The following HOXB5 variants were observed in gnomAD, a reference collection of about 807,000 sequenced individuals.
HOXB5 encodes the protein homeobox protein Hox-B5.
A neutral mutation model predicts 19.6 loss-of-function variants in HOXB5; 10 were observed. That is an observed-to-expected ratio of 0.51 (90% confidence interval 0.32 to 0.87). The LOEUF (loss-of-function observed/expected upper bound fraction) is 0.87, where lower values mean the gene tolerates loss of function less well. Among genes scored for constraint, HOXB5 ranks in the 40% least tolerant of loss-of-function variants. The pLI, the probability that HOXB5 is intolerant of heterozygous loss-of-function variation, is 0.04. For missense variants in HOXB5, 353 were observed against 369.6 expected (o/e 0.96, Z 0.37); for synonymous variants, 167 against 156.9 (o/e 1.06, Z -0.48).
chr17:48,593,772 T>C lies in HOXB5; in HGVS notation c.-90A>G. On this transcript the variant is annotated 5_prime_UTR_variant, in exon 1 of 2. Coordinates refer to ENST00000239151, the MANE Select transcript of HOXB5 (RefSeq NM_002147.4). Reference sequence around the variant, plus strand: ...ATGATGTATTAATGAATTATAGCGATGCACTGTACTTCGTTTTGCTATGTA... The same window carrying C: ...ATGATGTATTAATGAATTATAGCGACGCACTGTACTTCGTTTTGCTATGTA... 2.7e-6 allele frequency: 2 copies of C among 746,348 alleles called. No homozygotes were observed. Among genetic ancestry groups the C allele is most frequent in the Non-Finnish European group, 3.7e-6 (2 of 537,660 alleles). 46.2% of individuals were successfully genotyped at this position (746,348 alleles called of 1,614,324 possible).
chr17:48,593,722 G>T lies in HOXB5; in HGVS notation c.-40C>A. ...AGGGCTTGATTTGTGGATCGTGGTC[G>T]TTATAACCCTGTGCTTCACGATTTA... On this transcript the variant is annotated 5_prime_UTR_variant, in exon 1 of 2. Transcript: ENST00000239151. 6.6e-7 allele frequency: 1 copy of T among 1,517,518 alleles called. No individual in the cohort carries two copies. The highest frequency in any genetic ancestry group is 9.0e-7 in the Non-Finnish European group (1 of 1,110,176). The allele number at this position is 1,517,518 out of a possible 1,614,324, so 94.0% of individuals were successfully genotyped here.
At position 48,593,450 on chromosome 17, in the gene HOXB5, G is replaced by A; in HGVS notation, c.233C>T (p.Ala78Val). 6.2e-7 allele frequency: 1 copy of A among 1,610,944 alleles called. No individual in the cohort carries two copies. The highest frequency in any genetic ancestry group is 1.1e-5 in the South Asian group (1 of 90,932). ...AVGESSRAFP[A>V]PAQEPRFRQA... ...CCTGAAGCGGGGCTCCTGGGCGGGC[G>A]CGGGGAAGGCGCGCGAGCTCTCGCC... Residue 78 changes from alanine to valine, a missense_variant, in exon 1 of 2, where the codon GCG (alanine) becomes GTG (valine). Transcript: ENST00000239151.
intron 1 of HOXB5, among the ~76,000 whole-genome samples, 187 bp from the exon 2 acceptor site, chr17:48,592,643 A>G (rs974903183): frequency 6.6e-5 from 10 of 151,654 alleles, no homozygotes; most frequent in African/African-American, 2.4e-4. Context: ...TGCATCCCCC[A>G]CTTCTGCAGG....
chr17:48,592,131 G>A lies in HOXB5; in HGVS notation c.*78C>T. 6.6e-7 allele frequency: 1 copy of A among 1,508,760 alleles called. No individual in the cohort carries two copies. Among genetic ancestry groups the A allele is most frequent in the Non-Finnish European group, 8.9e-7 (1 of 1,122,544 alleles). 93.5% of individuals were successfully genotyped at this position (1,508,760 alleles called of 1,614,324 possible). A position where few individuals can be genotyped will look rare whatever the true frequency, so the allele number is the denominator to read the frequency against. ...TGGGAACCGGTCCCCAGCGGGCGGC[G>A]GCAGAGCGGGGAGGATTGGAGGGGC... is the stretch of plus-strand genomic sequence containing the variant. On this transcript the variant is annotated 3_prime_UTR_variant, in exon 2 of 2. Transcript: ENST00000239151.
At position 48,593,524 on chromosome 17, in the gene HOXB5, G is replaced by A. The variant is rs1250217845; in HGVS notation, c.159C>T (p.Asp53=). 1 of 1,613,322 alleles carries A rather than the reference G, an allele frequency of 6.2e-7. No homozygotes were observed. Among genetic ancestry groups the A allele is most frequent in the Non-Finnish European group, 8.5e-7 (1 of 1,180,028 alleles). The change falls in exon 1 of 2, where the codon GAC becomes GAT. Residue 53 remains aspartate (D), a synonymous_variant. Transcript: ENST00000239151. The stretch of plus-strand genomic sequence containing the variant: ...AGGCCGAGGAGCGGTTGACGCTGAG[G>A]TCCATCCCATTGTAATTGTAGCCGT... ...GSYGYNYNGM[D]LSVNRSSASS... is the part of the protein sequence containing the mutation.
intron 1 of HOXB5, 35 bp downstream of exon 1, chr17:48,593,086 A>G: frequency 5.3e-5 from 39 of 737,140 alleles, no homozygotes; most frequent in South Asian, 1.0e-4. Context: ...GCAGAGAAGG[A>G]AAGCCGAGAA....
Position 48,592,251 on chromosome 17 carries a change from T to G in HOXB5, c.768A>C (p.Lys256Asn). The G allele has an allele frequency of 6.2e-7, 1 of 1,613,884 alleles. No individual in the cohort carries two copies. The highest frequency in any genetic ancestry group is 8.5e-7 in the Non-Finnish European group (1 of 1,179,982). The stretch of plus-strand genomic sequence containing the variant: ...TGCCAGCTGTAGCCAGGCTCATACT[T>G]TTCAATTTGTTGTCCTTCTTCCACT... ...RMKWKKDNKLKSMSLATAGSA... is the reference protein window; with the variant it reads ...RMKWKKDNKLNSMSLATAGSA... The change falls in exon 2 of 2, where the codon AAA becomes AAC. Residue 256 changes from lysine (K) to asparagine (N), a missense_variant. Coordinates refer to ENST00000239151, the MANE Select transcript of HOXB5 (RefSeq NM_002147.4).
Position 48,592,448 on chromosome 17 carries a change from C to G in HOXB5, c.571G>C (p.Gly191Arg), listed in dbSNP as rs1475688496. The change falls in exon 2 of 2, where the codon GGG becomes CGG. Residue 191 changes from glycine (G) to arginine (R), a missense_variant. By Grantham distance (125) the Gly-to-Arg change is moderately radical (BLOSUM62 -2). Coordinates refer to ENST00000239151, the MANE Select transcript of HOXB5 (RefSeq NM_002147.4). ...RKLHISHDMT[G>R]PDGKRARTAY... ...GTCCGGGCCCTTTTCCCGTCCGGCC[C>G]GGTCATATCTGGAGCAGATAGAGGA... 6 of 1,414,936 alleles carry G rather than the reference C, an allele frequency of 4.2e-6. No individual in the cohort carries two copies. Among genetic ancestry groups the G allele is most frequent in the Non-Finnish European group, 5.7e-6 (6 of 1,057,866 alleles). 87.6% of individuals were successfully genotyped at this position (1,414,936 alleles called of 1,614,324 possible).
In HOXB5 at chr17:48,592,115, G is replaced by C. The variant is rs1357863830; in HGVS notation, c.*94C>G. 2 of 1,439,068 alleles carry C rather than the reference G, an allele frequency of 1.4e-6. No individual in the cohort carries two copies. Among genetic ancestry groups the C allele is most frequent in the Admixed American group, 2.1e-5 (1 of 48,272 alleles). 89.1% of individuals were successfully genotyped at this position (1,439,068 alleles called of 1,614,324 possible). A position where few individuals can be genotyped will look rare whatever the true frequency, so the allele number is the denominator to read the frequency against. ...AGGCGAGGCAGGCTTGTGGGAACCG[G>C]TCCCCAGCGGGCGGCGGCAGAGCGG... On this transcript the variant is annotated 3_prime_UTR_variant, in exon 2 of 2. Transcript: ENST00000239151.
In HOXB5 at chr17:48,593,689, G is replaced by A; in HGVS notation, c.-7C>T. The A allele has an allele frequency of 1.2e-6, 2 of 1,602,392 alleles. No homozygotes were observed. Among genetic ancestry groups the A allele is most frequent in the Non-Finnish European group, 1.7e-6 (2 of 1,172,706 alleles). ...TTACAAAGTACGAGCTCATTTGGGT[G>A]ATTTTGGAGGGCTTGATTTGTGGAT... On this transcript the variant is annotated 5_prime_UTR_variant, in exon 1 of 2. Coordinates refer to ENST00000239151, the MANE Select transcript of HOXB5 (RefSeq NM_002147.4).
intron 1 of HOXB5, 62 bp downstream of exon 1, chr17:48,593,059 C>CCCACCCACCCCAA: frequency 3.1e-6 from 2 of 637,344 alleles, no homozygotes; most frequent in Non-Finnish European, 5.5e-6. Context: ...CTTGTCCCCC[C>CCCACCCACCCCAA]GATCCCACCC....
At position 48,592,050 on chromosome 17, in the gene HOXB5, C is replaced by T; in HGVS notation, c.*159G>A. On this transcript the variant is annotated 3_prime_UTR_variant, in exon 2 of 2. Transcript: ENST00000239151. The stretch of plus-strand genomic sequence containing the variant: ...GATAACCAGTCCAGGAGAGAGGGAG[C>T]CACAGGAAGACCTAAGACCAAACGA... 1.5e-6 allele frequency: 1 copy of T among 663,882 alleles called. No homozygotes were observed. Among genetic ancestry groups the T allele is most frequent in the Non-Finnish European group, 2.5e-6 (1 of 396,256 alleles). The allele number at this position is 663,882 out of a possible 1,614,324, so 41.1% of individuals were successfully genotyped here.
intron 1 of HOXB5, among the ~76,000 whole-genome samples, chr17:48,592,743 G>A (rs1399104632): frequency 6.6e-6 from 1 of 152,186 alleles, no homozygotes; most frequent in African/African-American, 2.4e-5. Context: ...GGAGGGAGGA[G>A]AGCGGTTGCA....
chr17:48,593,224 G>T lies in HOXB5; in HGVS notation c.459C>A (p.Ser153Arg), dbSNP rs774166894. The T allele has an allele frequency of 1.9e-6, 3 of 1,613,676 alleles. No homozygotes were observed. Among genetic ancestry groups the T allele is most frequent in the Non-Finnish European group, 2.5e-6 (3 of 1,179,688 alleles). Residue 153 changes from serine (S) to arginine (R), a missense_variant, in exon 1 of 2, where the codon AGC (serine) becomes AGA (arginine). By Grantham distance (110) the Ser-to-Arg change is moderately radical (BLOSUM62 -1). Coordinates refer to ENST00000239151, the MANE Select transcript of HOXB5 (RefSeq NM_002147.4). ...EEAASQLSSPSLARAQPEPMA... is the reference protein window; with the variant it reads ...EEAASQLSSPRLARAQPEPMA... Reference sequence around the variant, plus strand: ...TGGGCTCTGGCTGCGCCCGAGCTAGGCTGGGGCTGCTTAGCTGGCTTGCCG... The same window carrying T: ...TGGGCTCTGGCTGCGCCCGAGCTAGTCTGGGGCTGCTTAGCTGGCTTGCCG...
rs765935796 is a variant in HOXB5 at position 48,593,473 on chromosome 17, GC to G, written c.209del (p.Gly70AlafsTer64). ...SASSSHFGAV[G>X]ESSRAFPAPA... ...GCGCGGGGAAGGCGCGCGAGCTCTC[GC>G]CCACCGCCCCAAAGTGGCTGGAGGA... On this transcript the variant is annotated frameshift_variant, in exon 1 of 2. Coordinates refer to ENST00000239151, the MANE Select transcript of HOXB5 (RefSeq NM_002147.4). LOFTEE classifies it high-confidence loss of function. 2 of 1,612,538 alleles carry G rather than the reference GC, an allele frequency of 1.2e-6. No individual in the cohort carries two copies. The highest frequency in any genetic ancestry group is 2.2e-5 in the South Asian group (2 of 91,030).
chr17:48,593,699 G>C lies in HOXB5; in HGVS notation c.-17C>G, dbSNP rs998435430. ...CGAGCTCATTTGGGTGATTTTGGAG[G>C]GCTTGATTTGTGGATCGTGGTCGTT... On this transcript the variant is annotated 5_prime_UTR_variant, in exon 1 of 2. Coordinates refer to ENST00000239151, the MANE Select transcript of HOXB5 (RefSeq NM_002147.4). The C allele has an allele frequency of 1.9e-6, 3 of 1,595,496 alleles. No individual in the cohort carries two copies. The highest frequency in any genetic ancestry group is 2.6e-6 in the Non-Finnish European group (3 of 1,168,434).
Position 48,593,395 on chromosome 17 carries a change from C to G in HOXB5, c.288G>C (p.Ser96=), listed in dbSNP as rs1394622806. The change falls in exon 1 of 2, where the codon TCG becomes TCC. Residue 96 remains serine, a synonymous_variant. Coordinates refer to ENST00000239151, the MANE Select transcript of HOXB5 (RefSeq NM_002147.4). ...RQAASSCSLS[S]PESLPCTNGD... is the part of the protein sequence containing the mutation. ...CGTTGGTGCAGGGCAGGGACTCGGG[C>G]GAGGACAGGGAGCAGCTCGAAGCCG... The G allele has an allele frequency of 6.2e-7, 1 of 1,602,884 alleles. No homozygotes were observed. Among genetic ancestry groups the G allele is most frequent in the Admixed American group, 1.7e-5 (1 of 59,460 alleles).
intron 1 of HOXB5, among the ~76,000 whole-genome samples, chr17:48,592,906 G>T (rs2070185539): frequency 6.6e-6 from 1 of 152,142 alleles, no homozygotes; most frequent in Admixed American, 6.5e-5. Flanking sequence ...AACCTAAGCC[G>T]AAGCTGGAAA....
Position 48,593,336 on chromosome 17 carries a change from G to C in HOXB5, c.347C>G (p.Ser116Cys), listed in dbSNP as rs772018449. Residue 116 changes from serine to cysteine, a missense_variant, in exon 1 of 2, where the codon TCC becomes TGC. By Grantham distance (112) the Ser-to-Cys change is moderately radical (BLOSUM62 -1). Transcript: ENST00000239151. ...DSHGAKPSAS[S>C]PSDQATSASS... The stretch of plus-strand genomic sequence containing the variant: ...GGCTGAGGTCGCCTGGTCGGAGGGG[G>C]ACGAAGCAGAGGGCTTGGCGCCGTG... 1 of 1,608,246 alleles carries C rather than the reference G, an allele frequency of 6.2e-7. No homozygotes were observed. The highest frequency in any genetic ancestry group is 1.1e-5 in the South Asian group (1 of 90,544).
Sources: gnomAD v4.1 joint callset for allele counts (sites outside exome capture counted in the v4.1 genomes callset) on GRCh38, gnomAD v4.1.1 for gene constraint, MANE v1.5 for transcripts, NCBI Gene and HGNC (gene_info 2026-07-23, HGNC 2026-07-21) for gene names.